ADIPOQ: variants seen among roughly 807,000 people sequenced by gnomAD.
The protein encoded by ADIPOQ is adiponectin.
ADIPOQ carries 19 observed loss-of-function variants against 16.1 expected under a neutral mutation model. The observed-to-expected ratio is 1.18, with a 90% CI of 0.82 to 1.73. The LOEUF is 1.73. Among genes scored for constraint, ADIPOQ ranks in the 40% most tolerant of loss-of-function variants. The pLI, the probability that ADIPOQ is intolerant of heterozygous loss-of-function variation, is 0.00. For synonymous variants in ADIPOQ, 124 were observed against 125.5 expected (o/e 0.99, Z 0.08); for missense variants, 323 against 308.3 (o/e 1.05, Z -0.36).
At position 186,853,036 on chromosome 3, in the gene ADIPOQ, A is replaced by G; in HGVS notation, c.-8-15A>G. On this transcript the variant is annotated splice_polypyrimidine_tract_variant and intron_variant, in intron 1 of 2. Coordinates refer to ENST00000320741, the MANE Select transcript of ADIPOQ (RefSeq NM_004797.4). ...TCTGTCTCTCCATGGCTGACAGTGCACATGTGGATTCCAGGGCTCAGGATG... is the reference window on the plus strand; with the variant it reads ...TCTGTCTCTCCATGGCTGACAGTGCGCATGTGGATTCCAGGGCTCAGGATG... The G allele has an allele frequency of 6.2e-7, 1 of 1,613,996 alleles. No homozygotes were observed. Among genetic ancestry groups the G allele is most frequent in the East Asian group, 2.2e-5 (1 of 44,886 alleles).
intron 1 of ADIPOQ, among the ~76,000 whole-genome samples, chr3:186,846,024 T>G (rs1711566000): frequency 6.6e-6 from 1 of 152,190 alleles, no homozygotes; most frequent in African/African-American, 2.4e-5. Flanking sequence ...CTCCTTAATC[T>G]GTCAGTTTCC....
rs138678413 is a variant in ADIPOQ, at chr3:186,853,100, C to G, written c.42C>G (p.Pro14=). Residue 14 remains proline (P), a synonymous_variant, in exon 2 of 3, where the codon CCC becomes CCG. Transcript: ENST00000320741. The part of the protein sequence containing the change: ...LGAVLLLLAL[P]GHDQETTTQG... Reference sequence around the variant, plus strand: ...CTGTTCTACTGCTATTAGCTCTGCCCGGTCATGACCAGGAAACCACGACTC... The same window carrying G: ...CTGTTCTACTGCTATTAGCTCTGCCGGGTCATGACCAGGAAACCACGACTC... 1.9e-6 allele frequency: 3 copies of G among 1,614,146 alleles called. No individual in the cohort carries two copies. Among genetic ancestry groups the G allele is most frequent in the Non-Finnish European group, 2.5e-6 (3 of 1,180,014 alleles).
Position 186,854,708 on chromosome 3 carries a change from C to T in ADIPOQ, c.*4C>T. ...TCTCTACCATGACACCAACTGATCA[C>T]CACTAACTCAGAGCCTCCTCCAGGC... On this transcript the variant is annotated 3_prime_UTR_variant, in exon 3 of 3. Transcript: ENST00000320741. The T allele has an allele frequency of 1.2e-6, 2 of 1,614,038 alleles. No homozygotes were observed. The highest frequency in any genetic ancestry group is 1.7e-6 in the Non-Finnish European group (2 of 1,180,034).
At position 186,854,588 on chromosome 3, in the gene ADIPOQ, G is replaced by C; in HGVS notation, c.619G>C (p.Val207Leu). The C allele has an allele frequency of 6.2e-7, 1 of 1,614,044 alleles. No individual in the cohort carries two copies. ...CGGCTCTGTGCTCCTGCATCTGGAGGTGGGCGACCAAGTCTGGCTCCAGGT... is the reference window on the plus strand; with the variant it reads ...CGGCTCTGTGCTCCTGCATCTGGAGCTGGGCGACCAAGTCTGGCTCCAGGT... The part of the protein sequence containing the change: ...ASGSVLLHLE[V>L]GDQVWLQVYG... The change falls in exon 3 of 3, where the codon GTG becomes CTG. Residue 207 changes from valine to leucine, a missense_variant. Transcript: ENST00000320741.
intron 1 of ADIPOQ, among the ~76,000 whole-genome samples, chr3:186,845,877 C>A (rs1454458943): frequency 6.6e-6 from 1 of 152,130 alleles, no homozygotes; most frequent in Non-Finnish European, 1.5e-5. Context: ...TTCTCATGTT[C>A]CTCATCTCAC....
intron 1 of ADIPOQ, chr3:186,845,672 CA>C (rs1161293069): frequency 1.3e-5 from 2 of 152,030 alleles, no homozygotes; most frequent in Non-Finnish European, 2.9e-5. Flanking sequence ...GCGCCCGGCC[CA>C]TTTTGACTTT....
chr3:186,844,869 C>T (rs529527298), intron 1 of ADIPOQ, among the ~76,000 whole-genome samples: 1 of 152,254 alleles, frequency 6.6e-6, no homozygotes. Flanking sequence ...CCACCTACTC[C>T]TTGTCAAGCC....
At chr3:186,844,838 G>A (rs555239733) in intron 1 of ADIPOQ, among the ~76,000 whole-genome samples, 7 of 152,162 alleles carry the variant, frequency 4.6e-5, no homozygotes, top group African/African-American at 1.7e-4. Flanking sequence ...TCTTTTTAAG[G>A]TGGCTGTAGG....
At chr3:186,853,361 A>C (rs1392472862) in intron 2 of ADIPOQ, 89 bp downstream of exon 2, 2 of 1,463,908 alleles carry the variant, frequency 1.4e-6, no homozygotes, top group Non-Finnish European at 1.9e-6. Context: ...AGGCCTAGAC[A>C]CAGGGAGAAA....
chr3:186,853,886 G>T (rs979090172), intron 2 of ADIPOQ: 2 of 331,732 alleles, frequency 6.0e-6, no homozygotes. Context: ...GATGGAGGGG[G>T]TAGAATTGCA....
chr3:186,852,022 GAGAGAGAGAGAGAA>G (rs1174174261), intron 1 of ADIPOQ: 1 of 154,894 alleles, frequency 6.5e-6, no homozygotes, highest in Non-Finnish European at 1.4e-5. Context: ...ACAGCAGCAG[GAGAGAGAGAGAGAA>G]AGAGAGAGAG....
chr3:186,844,559 T>C (rs372188193), intron 1 of ADIPOQ, among the ~76,000 whole-genome samples: 4 of 151,304 alleles, frequency 2.6e-5, no homozygotes, highest in African/African-American at 9.7e-5. Flanking sequence ...CTTGTCTTTT[T>C]TGGGGACAGG....
At chr3:186,854,105 A>G in intron 2 of ADIPOQ, 79 bp from the exon 3 acceptor site, 1 of 1,490,236 alleles carries the variant, frequency 6.7e-7, no homozygotes, top group Non-Finnish European at 9.1e-7. Context: ...TGGGAGCCAC[A>G]GGGATGGTAA....
In ADIPOQ at chr3:186,854,230, G is replaced by A. The variant is rs1711896840; in HGVS notation, c.261G>A (p.Gly87=). The change falls in exon 3 of 3, where the codon GGG becomes GGA. Residue 87 remains glycine, a synonymous_variant. Transcript: ENST00000320741. ...KGDIGETGVP[G]AEGPRGFPGI... ...ACATCGGTGAAACCGGAGTACCCGG[G>A]GCTGAAGGTCCCCGAGGCTTTCCGG... is the stretch of plus-strand genomic sequence containing the variant. The A allele has an allele frequency of 2.5e-6, 4 of 1,613,672 alleles. No homozygotes were observed. The African/African-American group carries it at 4.0e-5, about 16-fold the overall frequency.
rs758853656 is a variant in ADIPOQ at position 186,855,044 on chromosome 3, TGA to T, written c.*346_*347del. The T allele has an allele frequency of 1.2e-4, 44 of 366,896 alleles. No homozygotes were observed. The highest frequency in any genetic ancestry group is 8.8e-4 in the Middle Eastern group (1 of 1,130). 22.7% of individuals were successfully genotyped at this position (366,896 alleles called of 1,614,324 possible). ...GTTTTTACAGATTGTATCCTGAGGC[TGA>T]GAGAGTTAAGTGAATGTCTAAGGTC... On this transcript the variant is annotated 3_prime_UTR_variant, in exon 3 of 3. Coordinates refer to ENST00000320741, the MANE Select transcript of ADIPOQ (RefSeq NM_004797.4).
chr3:186,851,802 T>A (rs1711775609), intron 1 of ADIPOQ: 1 of 152,272 alleles, frequency 6.6e-6, no homozygotes, highest in African/African-American at 2.4e-5. Context: ...AAACAGAAAT[T>A]ACAGCAGAGT....
Position 186,853,092 on chromosome 3 carries a change from G to C in ADIPOQ, c.34G>C (p.Ala12Pro). The part of the protein sequence containing the change: ...LLLGAVLLLL[A>P]LPGHDQETTT... The stretch of plus-strand genomic sequence containing the variant: ...GCTGGGAGCTGTTCTACTGCTATTA[G>C]CTCTGCCCGGTCATGACCAGGAAAC... Residue 12 changes from alanine (A) to proline (P), a missense_variant, in exon 2 of 3, where the codon GCT (alanine) becomes CCT (proline). Coordinates refer to ENST00000320741, the MANE Select transcript of ADIPOQ (RefSeq NM_004797.4). 6.2e-7 allele frequency: 1 copy of C among 1,614,186 alleles called. No homozygotes were observed. Among genetic ancestry groups the C allele is most frequent in the Non-Finnish European group, 8.5e-7 (1 of 1,180,030 alleles).
At chr3:186,847,715 C>T (rs1711615316) in intron 1 of ADIPOQ, among the ~76,000 whole-genome samples, 1 of 152,166 alleles carries the variant, frequency 6.6e-6, no homozygotes, top group African/African-American at 2.4e-5. Context: ...TAGTGCCATG[C>T]TAAGCCCACA....
chr3:186,846,908 T>C (rs1711594812), intron 1 of ADIPOQ, among the ~76,000 whole-genome samples: 1 of 152,174 alleles, frequency 6.6e-6, no homozygotes, highest in Non-Finnish European at 1.5e-5. Context: ...GGGTGGCATA[T>C]TGAAAGGCAG....
Sources: allele counts gnomAD v4.1 joint callset (sites outside exome capture counted in the v4.1 genomes callset), GRCh38; gene constraint gnomAD v4.1.1; transcripts MANE v1.5; gene names NCBI Gene and HGNC (gene_info 2026-07-23, HGNC 2026-07-21).